The following IQCH variants were observed in gnomAD, a reference collection of about 807,000 sequenced individuals.
The protein encoded by IQCH is IQ domain-containing protein H.
In IQCH, 98 loss-of-function variants were observed where a neutral mutation model predicts 117.0. That is an observed-to-expected ratio of 0.84 (90% CI 0.71 to 0.99). The LOEUF is 0.99. Among genes scored for constraint, IQCH ranks in the 50% least tolerant of loss-of-function variants. The pLI, the probability that IQCH is intolerant of heterozygous loss-of-function variation, is 0.00. For missense variants in IQCH, 1,102 were observed against 1,243.8 expected, an observed-to-expected ratio of 0.89 and a Z score of 1.72; for synonymous variants, 412 against 448.2, an observed-to-expected ratio of 0.92 and a Z score of 1.02.
intron 16 of IQCH, among the ~76,000 whole-genome samples, chr15:67,423,649 T>C (rs1436551533): frequency 6.8e-6 from 1 of 147,418 alleles, no homozygotes; most frequent in Non-Finnish European, 1.5e-5. Context: ...ACGCCTGTAA[T>C]ACCAGCATTT....
At chr15:67,332,925 G>A (rs548281926) in intron 4 of IQCH, among the ~76,000 whole-genome samples, 1 of 152,154 alleles carries the variant, frequency 6.6e-6, no homozygotes, top group Non-Finnish European at 1.5e-5. Context: ...GATAAACTGG[G>A]TGGTTTATAA....
intron 13 of IQCH, 123 bp from the exon 14 acceptor site, chr15:67,399,991 A>G: frequency 1.5e-6 from 1 of 685,776 alleles, no homozygotes; most frequent in Non-Finnish European, 2.5e-6. Flanking sequence ...ACTAGAAGAT[A>G]ACCAAATGAA....
At chr15:67,362,082 G>A (rs1970155503) in intron 8 of IQCH, among the ~76,000 whole-genome samples, 1 of 151,494 alleles carries the variant, frequency 6.6e-6, no homozygotes, top group Non-Finnish European at 1.5e-5. Flanking sequence ...GAAAGAGGAA[G>A]GAGAATGAAA....
chr15:67,363,162 G>GA (rs1209924606), intron 8 of IQCH, among the ~76,000 whole-genome samples: 1 of 144,056 alleles, frequency 6.9e-6, no homozygotes, highest in Non-Finnish European at 1.5e-5. Flanking sequence ...GAAGAGAAAA[G>GA]AAAAATCCAG....
chr15:67,317,781 G>C (rs926274821), intron 4 of IQCH, among the ~76,000 whole-genome samples: 1 of 151,198 alleles, frequency 6.6e-6, no homozygotes, highest in Admixed American at 6.6e-5. Flanking sequence ...ATTGAATGAA[G>C]AGGAAGGATT....
At chr15:67,287,085 C>CAT (rs1966591967) in intron 4 of IQCH, among the ~76,000 whole-genome samples, 1 of 152,126 alleles carries the variant, frequency 6.6e-6, no homozygotes, top group Non-Finnish European at 1.5e-5. Context: ...GATTGATTTG[C>CAT]ATATGTTGAA....
rs1283550644 is a variant in IQCH, at chr15:67,416,377, T to G, written c.2098-554T>G. Among the ~76,000 whole-genome samples the G allele has an allele frequency of 2.6e-5, 4 of 151,376 alleles. No homozygotes were observed. The highest frequency in any genetic ancestry group is 7.3e-5 in the African/African-American group (3 of 41,176). On this transcript the variant is annotated intron_variant, in intron 14 of 20. Coordinates refer to ENST00000335894, the MANE Select transcript of IQCH (RefSeq NM_001031715.3). The surrounding 1 kb of genome is among the most constrained non-coding windows in gnomAD (Gnocchi z 5.1). Reference sequence around the variant, plus strand: ...TACTAAAAATACAAAATTAGCCAGGTGTGGTGACGCATGCCTGTAGTCCCA... The same window carrying G: ...TACTAAAAATACAAAATTAGCCAGGGGTGGTGACGCATGCCTGTAGTCCCA...
At position 67,465,695 on chromosome 15, in the gene IQCH, T is replaced by C. The variant is rs1340636865; in HGVS notation, c.2676+398T>C. ...CTGCTTCGAATCCTCAGAGTCAAGC[T>C]ATCCAAAACTGCATCACATTTGTCT... On this transcript the variant is annotated intron_variant, in intron 17 of 20. Coordinates refer to ENST00000335894, the MANE Select transcript of IQCH (RefSeq NM_001031715.3). The surrounding 1 kb of genome is among the most constrained non-coding windows in gnomAD (Gnocchi z 5.9). 6.6e-6 allele frequency among the ~76,000 whole-genome samples: 1 copy of C among 152,216 alleles called. No homozygotes were observed. The highest frequency in any genetic ancestry group is 1.5e-5 in the Non-Finnish European group (1 of 68,046).
chr15:67,334,715 C>T (rs556393452), intron 4 of IQCH, among the ~76,000 whole-genome samples: 1 of 152,244 alleles, frequency 6.6e-6, no homozygotes, highest in African/African-American at 2.4e-5. Context: ...GCTCCCTGAG[C>T]GATTCTAATA....
At chr15:67,354,690 T>C (rs756118264) in intron 6 of IQCH, among the ~76,000 whole-genome samples, 1 of 152,180 alleles carries the variant, frequency 6.6e-6, no homozygotes, top group African/African-American at 2.4e-5. Context: ...CATGTGACTA[T>C]AAATATCAGA....
intron 3 of IQCH, among the ~76,000 whole-genome samples, chr15:67,269,410 CCTT>C (rs1260712965): frequency 3.3e-5 from 5 of 152,058 alleles, no homozygotes; most frequent in African/African-American, 1.2e-4. Flanking sequence ...TAATTTGATA[CCTT>C]CTTCTAATGT....
Position 67,490,918 on chromosome 15 carries a change from T to C in IQCH, c.2861+854T>C, listed in dbSNP as rs1482068339. ...TTGGAGCCTAGCAAAGCCTCCTATCTAGGACTCAGAATTTTAGAGCTACAA... is the reference window on the plus strand; with the variant it reads ...TTGGAGCCTAGCAAAGCCTCCTATCCAGGACTCAGAATTTTAGAGCTACAA... On this transcript the variant is annotated intron_variant, in intron 19 of 20. Transcript: ENST00000335894. The surrounding 1 kb of genome is among the most constrained non-coding windows in gnomAD (Gnocchi z 4.9). 6.6e-6 allele frequency among the ~76,000 whole-genome samples: 1 copy of C among 152,226 alleles called. No individual in the cohort carries two copies. The highest frequency in any genetic ancestry group is 1.9e-4 in the East Asian group (1 of 5,200).
intron 3 of IQCH, among the ~76,000 whole-genome samples, chr15:67,270,092 A>G (rs1965841167): frequency 6.6e-6 from 1 of 152,192 alleles, no homozygotes; most frequent in African/African-American, 2.4e-5. Context: ...ACTTTGCTGA[A>G]TTCATTAATC....
intron 4 of IQCH, among the ~76,000 whole-genome samples, chr15:67,330,222 A>G (rs1264701416): frequency 1.3e-5 from 2 of 152,198 alleles, no homozygotes; most frequent in African/African-American, 4.8e-5. Context: ...AGTCTTTGCC[A>G]TACCTGCCAT....
In IQCH at chr15:67,474,585, A is replaced by G. The variant is rs1233128962; in HGVS notation, c.2677-1111A>G. Among the ~76,000 whole-genome samples the G allele has an allele frequency of 6.6e-6, 1 of 152,200 alleles. No individual in the cohort carries two copies. The highest frequency in any genetic ancestry group is 1.5e-5 in the Non-Finnish European group (1 of 68,030). On this transcript the variant is annotated intron_variant, in intron 17 of 20. Transcript: ENST00000335894. The surrounding 1 kb of genome is among the most constrained non-coding windows in gnomAD (Gnocchi z 4.1). ...ATAATGACAGCACTTTGGGCCTACTATCACCAATCTCTTTGGCATGGCTTT... is the reference window on the plus strand; with the variant it reads ...ATAATGACAGCACTTTGGGCCTACTGTCACCAATCTCTTTGGCATGGCTTT...
intron 4 of IQCH, among the ~76,000 whole-genome samples, chr15:67,299,022 C>T (rs1966889660): frequency 6.7e-6 from 1 of 149,804 alleles, no homozygotes; most frequent in Admixed American, 6.7e-5. Context: ...CCTAAGTGTC[C>T]ATCAACAGAT....
Position 67,431,047 on chromosome 15 carries a change from G to A in IQCH, c.2505+9470G>A, listed in dbSNP as rs2082008507. 6.6e-6 allele frequency among the ~76,000 whole-genome samples: 1 copy of A among 152,152 alleles called. No individual in the cohort carries two copies. Among genetic ancestry groups the A allele is most frequent in the Non-Finnish European group, 1.5e-5 (1 of 68,016 alleles). Reference sequence around the variant, plus strand: ...TGGGATTTGAGCCGAAAGAAAATTAGGATATGAGGAGGGTAAGAAAGAGTG... The same window carrying A: ...TGGGATTTGAGCCGAAAGAAAATTAAGATATGAGGAGGGTAAGAAAGAGTG... On this transcript the variant is annotated intron_variant, in intron 16 of 20. Transcript: ENST00000335894. The surrounding 1 kb of genome is among the most constrained non-coding windows in gnomAD (Gnocchi z 4.8).
At chr15:67,291,092 A>G (rs1419153458) in intron 4 of IQCH, among the ~76,000 whole-genome samples, 1 of 152,216 alleles carries the variant, frequency 6.6e-6, no homozygotes. Context: ...TCCAACCACT[A>G]GGGAAGGGAC....
In IQCH at chr15:67,430,280, A is replaced by G. The variant is rs2081992125; in HGVS notation, c.2505+8703A>G. On this transcript the variant is annotated intron_variant, in intron 16 of 20. Transcript: ENST00000335894. The surrounding 1 kb of genome is among the most constrained non-coding windows in gnomAD (Gnocchi z 5.1). ...GTCCTGGAGCCAGGATCAATGATAA[A>G]CAGTATCTAGTAGGTTCTAGGAGGG... 6.6e-6 allele frequency: 1 copy of G among 152,138 alleles called. No homozygotes were observed. Among genetic ancestry groups the G allele is most frequent in the African/African-American group, 2.4e-5 (1 of 41,432 alleles). The allele number at this position is 152,138 out of a possible 1,614,324, so 9.4% of individuals were successfully genotyped here. A position where few individuals can be genotyped will look rare whatever the true frequency, so the allele number is the denominator to read the frequency against.
Sources: gnomAD v4.1 joint callset for allele counts (sites outside exome capture counted in the v4.1 genomes callset) on GRCh38, gnomAD v4.1.1 for gene constraint, Gnocchi (gnomAD v3.1) non-coding constraint, MANE v1.5 for transcripts, NCBI Gene and HGNC (gene_info 2026-07-23, HGNC 2026-07-21) for gene names.